Variants in TMEM59 observed in about 807,000 individuals in gnomAD.
The protein encoded by TMEM59 is dendritic cell factor 1.
In TMEM59, 44 loss-of-function variants were observed where a neutral mutation model predicts 42.2. That is an observed-to-expected ratio of 1.04 (90% CI 0.82 to 1.34). The LOEUF is 1.34. TMEM59 is among the 40% of genes most tolerant of loss of function. TMEM59 has a pLI of 0.00. For synonymous variants in TMEM59, 148 were observed against 145.8 expected, an observed-to-expected ratio of 1.02 and a Z score of -0.11; for missense variants, 359 against 382.8, an observed-to-expected ratio of 0.94 and a Z score of 0.52.
At chr1:54,053,345 T>A (rs773687659), upstream of TMEM59, 1 of 810,488 alleles carries the variant, frequency 1.2e-6, no homozygotes, top group Non-Finnish European at 1.9e-6. Context: ...AACTGCCGCC[T>A]CCTGCCTCAC....
chr1:54,040,777 C>T lies in TMEM59; in HGVS notation c.686G>A (p.Gly229Asp). 1.2e-6 allele frequency: 2 copies of T among 1,613,648 alleles called. No homozygotes were observed. Among genetic ancestry groups the T allele is most frequent in the South Asian group, 2.2e-5 (2 of 91,056 alleles). Reference protein sequence around the residue: ...RNFLEDGESDGFLRCLSLNSG... With the variant: ...RNFLEDGESDDFLRCLSLNSG... ...ATACAGAGAGAGGCATCTTAAAAAGCCATCACTTTCTCCATCTTCAAGAAA... is the reference window on the plus strand; with the variant it reads ...ATACAGAGAGAGGCATCTTAAAAAGTCATCACTTTCTCCATCTTCAAGAAA... Residue 229 changes from glycine (G) to aspartate (D), a missense_variant, in exon 6 of 8, where the codon GGC becomes GAC. Coordinates refer to ENST00000234831, the MANE Select transcript of TMEM59 (RefSeq NM_004872.5).
Position 54,028,866 on chromosome 1 carries a change from G to C in TMEM59, c.*3284C>G, listed in dbSNP as rs1245879468. The C allele has an allele frequency of 6.6e-6, 1 of 152,204 alleles. No individual in the cohort carries two copies. The highest frequency in any genetic ancestry group is 2.4e-5 in the African/African-American group (1 of 41,440). 9.4% of individuals were successfully genotyped at this position (152,204 alleles called of 1,614,324 possible). On this transcript the variant is annotated 3_prime_UTR_variant, in exon 8 of 8. Coordinates refer to ENST00000234831, the MANE Select transcript of TMEM59 (RefSeq NM_004872.5). ...ATTTAGCATAGGGCCTGCCACTCAG[G>C]ATCTCAGGTGGTTGTTGAATGGTTA...
rs1656686012 is a variant in TMEM59, at chr1:54,029,015, A to G, written c.*3135T>C. 1 of 152,232 alleles carries G rather than the reference A, an allele frequency of 6.6e-6. No individual in the cohort carries two copies. The highest frequency in any genetic ancestry group is 2.1e-4 in the South Asian group (1 of 4,830). The allele number at this position is 152,232 out of a possible 1,614,324, so 9.4% of individuals were successfully genotyped here. On this transcript the variant is annotated 3_prime_UTR_variant, in exon 8 of 8. Transcript: ENST00000234831. Reference sequence around the variant, plus strand: ...CTTGATATTTGAGTCCACAAAAATTATAATGGAACTACTGTATATCTTTAA... The same window carrying G: ...CTTGATATTTGAGTCCACAAAAATTGTAATGGAACTACTGTATATCTTTAA...
intron 1 of TMEM59, chr1:54,047,638 T>TC (rs1234761907): frequency 2.6e-6 from 1 of 378,264 alleles, no homozygotes; most frequent in Non-Finnish European, 4.7e-6. Context: ...TTGGTTACAA[T>TC]CTGTGGGGGG....
intron 6 of TMEM59, among the ~76,000 whole-genome samples, chr1:54,040,472 A>C (rs1657102690): frequency 6.6e-6 from 1 of 152,198 alleles, no homozygotes; most frequent in Non-Finnish European, 1.5e-5. Flanking sequence ...TGTTAAATTA[A>C]AGCTTAATTT....
chr1:54,035,151 C>G (rs926528917), intron 7 of TMEM59, among the ~76,000 whole-genome samples: 1 of 152,168 alleles, frequency 6.6e-6, no homozygotes, highest in Non-Finnish European at 1.5e-5. Context: ...GTACCTACAT[C>G]AATTATATCA....
chr1:54,041,927 T>TA (rs1488407931), intron 4 of TMEM59, 122 bp from the exon 5 acceptor site: 4 of 680,164 alleles, frequency 5.9e-6, no homozygotes, highest in Non-Finnish European at 9.6e-6. Context: ...AAATACTGTA[T>TA]AAAAAATAAA....
chr1:54,029,728 G>T lies in TMEM59; in HGVS notation c.*2422C>A, dbSNP rs1656706502. 6.6e-6 allele frequency: 1 copy of T among 151,960 alleles called. No homozygotes were observed. The highest frequency in any genetic ancestry group is 1.5e-5 in the Non-Finnish European group (1 of 68,016). The allele number at this position is 151,960 out of a possible 1,614,324, so 9.4% of individuals were successfully genotyped here. On this transcript the variant is annotated 3_prime_UTR_variant, in exon 8 of 8. Coordinates refer to ENST00000234831, the MANE Select transcript of TMEM59 (RefSeq NM_004872.5). ...GTGCTTCAGAATTTAATTACCACAA[G>T]GAGTCAGAAAATCAACACTACAATC...
rs1656716210 is a variant in TMEM59, at chr1:54,030,090, A to C, written c.*2060T>G. ...GGCACTTCTCATTCAGGAAGCGAAGAGAAATGAAACCAAGGGAAGGTGGAG... is the reference window on the plus strand; with the variant it reads ...GGCACTTCTCATTCAGGAAGCGAAGCGAAATGAAACCAAGGGAAGGTGGAG... On this transcript the variant is annotated 3_prime_UTR_variant, in exon 8 of 8. Coordinates refer to ENST00000234831, the MANE Select transcript of TMEM59 (RefSeq NM_004872.5). 1.3e-5 allele frequency: 2 copies of C among 152,196 alleles called. No homozygotes were observed. Among genetic ancestry groups the C allele is most frequent in the East Asian group, 1.9e-4 (1 of 5,178 alleles). The allele number at this position is 152,196 out of a possible 1,614,324, so 9.4% of individuals were successfully genotyped here.
intron 4 of TMEM59, among the ~76,000 whole-genome samples, chr1:54,042,989 A>T (rs1657196112): frequency 6.6e-6 from 1 of 152,210 alleles, no homozygotes; most frequent in South Asian, 2.1e-4. Context: ...AAGCACTGTA[A>T]AAAACTAAAA....
At chr1:54,045,401 A>C (rs1000259021) in intron 3 of TMEM59, 1 of 342,362 alleles carries the variant, frequency 2.9e-6, no homozygotes, top group African/African-American at 2.1e-5. Flanking sequence ...GAACTCTGAA[A>C]TAATTCCTCT....
In TMEM59 at chr1:54,044,727, C is replaced by G. The variant is rs145534776; in HGVS notation, c.390+965G>C. On this transcript the variant is annotated intron_variant, in intron 3 of 7. Coordinates refer to ENST00000234831, the MANE Select transcript of TMEM59 (RefSeq NM_004872.5). ...TTCTACAGGTATACTCACAAATGTG[C>G]AAAATAGGTATCATTTACAAAAGAA... 5 of 152,002 alleles carry G rather than the reference C, an allele frequency of 3.3e-5. 1 individual carries two copies. In the East Asian group the frequency reaches 9.7e-4, roughly 29 times the overall value. The allele number at this position is 152,002 out of a possible 1,614,324, so 9.4% of individuals were successfully genotyped here.
chr1:54,047,142 A>G, intron 2 of TMEM59, 125 bp downstream of exon 2: 1 of 721,394 alleles, frequency 1.4e-6, no homozygotes, highest in Non-Finnish European at 2.2e-6. Flanking sequence ...ATCCATAATA[A>G]TTACAATATG....
Position 54,032,222 on chromosome 1 carries a change from T to C in TMEM59, c.900A>G (p.Arg300=), listed in dbSNP as rs139391660. The C allele has an allele frequency of 5.5e-5, 88 of 1,613,442 alleles. No individual in the cohort carries two copies. In the African/African-American group the frequency reaches 9.7e-4, roughly 18 times the overall value. Residue 300 remains arginine (R), a synonymous_variant, in exon 8 of 8, where the codon AGA becomes AGG. Transcript: ENST00000234831. The stretch of plus-strand genomic sequence containing the variant: ...CTTCTTCATGATCTTCAGTTTTAGA[T>C]CTAACAACCACAAGAGAAGAAGCTG... The part of the protein sequence containing the change: ...RYPASSLVVV[R]SKTEDHEEAG...
Position 54,040,833 on chromosome 1 carries a change from C to CAG in TMEM59, c.628_629dup (p.Gln211CysfsTer3). 1 of 1,613,282 alleles carries CAG rather than the reference C, an allele frequency of 6.2e-7. No homozygotes were observed. The highest frequency in any genetic ancestry group is 2.2e-5 in the East Asian group (1 of 44,764). On this transcript the variant is annotated frameshift_variant, in exon 6 of 8. Coordinates refer to ENST00000234831, the MANE Select transcript of TMEM59 (RefSeq NM_004872.5). LOFTEE classifies it high-confidence loss of function. ...TGTGCGCTTGTGAATTTCTCATTTG[C>CAG]AGATCTGCTGAAATAGTAAGTATGA...
At chr1:54,047,156 G>A (rs1016364832) in intron 2 of TMEM59, 111 bp downstream of exon 2, 29 of 799,256 alleles carry the variant, frequency 3.6e-5, no homozygotes, top group East Asian at 2.0e-4. Context: ...CAATATGTTA[G>A]ATGACTAGTT....
At chr1:54,053,286 C>A (rs1657646378), upstream of TMEM59, 1 of 1,443,002 alleles carries the variant, frequency 6.9e-7, no homozygotes, top group Non-Finnish European at 9.3e-7. Flanking sequence ...CCCCACCGAC[C>A]GTTGCTTCCG....
intron 1 of TMEM59, chr1:54,048,743 T>C: frequency 2.7e-6 from 1 of 374,200 alleles, no homozygotes; most frequent in Non-Finnish European, 5.5e-6. Flanking sequence ...AAGCTATGTA[T>C]TTCTTTCCAG....
rs745709277 is a variant in TMEM59 at position 54,041,785 on chromosome 1, G to T, written c.564C>A (p.Tyr188Ter). ...VIFQSKPEIQ[Y>*]APHLEQEPTN... is the part of the protein sequence containing the mutation. The stretch of plus-strand genomic sequence containing the variant: ...TAGGCTCCTGCTCCAAATGTGGTGC[G>T]TACTGGATTTCTGGCTTAGACTAAA... Residue 188 changes from tyrosine (Y) to a stop codon, truncating the protein, a stop_gained, in exon 5 of 8, where the codon TAC becomes TAA. Coordinates refer to ENST00000234831, the MANE Select transcript of TMEM59 (RefSeq NM_004872.5). LOFTEE classifies it high-confidence loss of function. 1 of 1,612,802 alleles carries T rather than the reference G, an allele frequency of 6.2e-7. No individual in the cohort carries two copies. Among genetic ancestry groups the T allele is most frequent in the East Asian group, 2.2e-5 (1 of 44,794 alleles).
Sources: allele counts gnomAD v4.1 joint callset (sites outside exome capture counted in the v4.1 genomes callset), GRCh38; gene constraint gnomAD v4.1.1; transcripts MANE v1.5; gene names NCBI Gene and HGNC (gene_info 2026-07-23, HGNC 2026-07-21).